The following ZNF713 variants were observed in gnomAD, a reference collection of about 807,000 sequenced individuals.
ZNF713 encodes zinc finger protein 713.
ZNF713 carries 21 observed loss-of-function variants against 28.7 expected under a neutral mutation model. The observed-to-expected ratio is 0.73, with a 90% CI of 0.52 to 1.05. The LOEUF (loss-of-function observed/expected upper bound fraction) is 1.05, where lower values mean the gene tolerates loss of function less well. ZNF713 is among the 50% of genes least tolerant of loss of function. The pLI, the probability that ZNF713 is intolerant of heterozygous loss-of-function variation, is 0.00. For synonymous variants in ZNF713, 167 were observed against 178.0 expected (o/e 0.94, Z 0.49); for missense variants, 458 against 532.4 (o/e 0.86, Z 1.37).
At chr7:55,914,471 A>G (rs1430553764) in intron 4 of ZNF713, among the ~76,000 whole-genome samples, 1 of 152,142 alleles carries the variant, frequency 6.6e-6, no homozygotes, top group Non-Finnish European at 1.5e-5. Flanking sequence ...CTGGGATTGC[A>G]GGTGTGAGCC....
intron 1 of ZNF713, among the ~76,000 whole-genome samples, chr7:55,888,733 A>ACATACATG (rs1554334752): frequency 7.5e-6 from 1 of 132,900 alleles, no homozygotes; most frequent in Non-Finnish European, 1.6e-5. Context: ...GAATACATAT[A>ACATACATG]CGTACATACA....
chr7:55,904,578 A>T (rs1303619884), intron 1 of ZNF713, among the ~76,000 whole-genome samples: 2 of 152,036 alleles, frequency 1.3e-5, no homozygotes, highest in Non-Finnish European at 2.9e-5. Flanking sequence ...GGCAGAACAA[A>T]AGCCAGACTA....
Position 55,887,817 on chromosome 7 carries a change from C to T in ZNF713, c.-583+137C>T, listed in dbSNP as rs1201948972. On this transcript the variant is annotated intron_variant, in intron 1 of 6. Coordinates refer to ENST00000429591, the MANE Select transcript of ZNF713 (RefSeq NM_182633.3). ...GGCGGAGGCGGGGGGCGGCGGGCGG[C>T]GGGCGGCGGGCGGCGGGCGGCGGGC... The T allele has an allele frequency of 1.6e-3, 2 of 1,264 alleles. 1 individual carries two copies. Among genetic ancestry groups the T allele is most frequent in the East Asian group, 0.04 (2 of 50 alleles). 0.1% of individuals were successfully genotyped at this position (1,264 alleles called of 1,614,324 possible). A position where few individuals can be genotyped will look rare whatever the true frequency, so the allele number is the denominator to read the frequency against.
rs1786039786 is a variant in ZNF713 at position 55,923,667 on chromosome 7, TAGAA to T, written c.279_282del (p.Arg94ThrfsTer34). On this transcript the variant is annotated frameshift_variant, in exon 6 of 7. Transcript: ENST00000429591. LOFTEE classifies it low-confidence loss of function (END_TRUNC). ...TTGGAGCTAGAGGAAGAATGGGTGA[TAGAA>T]AGAGACAGCCTGCTGGATACTCATC... is the stretch of plus-strand genomic sequence containing the variant. 1.9e-6 allele frequency: 3 copies of T among 1,612,276 alleles called. No homozygotes were observed. Among genetic ancestry groups the T allele is most frequent in the Non-Finnish European group, 2.5e-6 (3 of 1,179,156 alleles).
intron 6 of ZNF713, among the ~76,000 whole-genome samples, chr7:55,935,431 A>G (rs1426005118): frequency 1.3e-5 from 2 of 152,198 alleles, no homozygotes; most frequent in African/African-American, 4.8e-5. Flanking sequence ...TGGGCAATAC[A>G]TACATTATCC....
At chr7:55,916,056 A>T (rs989380390) in intron 4 of ZNF713, among the ~76,000 whole-genome samples, 2 of 152,234 alleles carry the variant, frequency 1.3e-5, no homozygotes, top group African/African-American at 4.8e-5. Context: ...AGATTAGCTA[A>T]GGGGTAAAAG....
intron 1 of ZNF713, among the ~76,000 whole-genome samples, chr7:55,892,494 AT>A (rs1476146793): frequency 8.6e-6 from 1 of 116,364 alleles, no homozygotes; most frequent in Non-Finnish European, 1.7e-5. Flanking sequence ...TAACAAGTTT[AT>A]TTGGTAATAG....
intron 2 of ZNF713, among the ~76,000 whole-genome samples, chr7:55,910,522 G>T (rs574978718): frequency 1.9e-4 from 29 of 151,922 alleles, no homozygotes; most frequent in Non-Finnish European, 3.8e-4. Context: ...TTAAGACAGG[G>T]TCTTACTCTG....
rs1295839512 is a variant in ZNF713 at position 55,887,627 on chromosome 7, G to GGCGGCA, written c.-631_-630insAGCGGC. 1.1e-5 allele frequency: 2 copies of GGCGGCA among 189,160 alleles called. No homozygotes were observed. Among genetic ancestry groups the GGCGGCA allele is most frequent in the Non-Finnish European group, 2.0e-5 (2 of 97,812 alleles). The allele number at this position is 189,160 out of a possible 1,614,324, so 11.7% of individuals were successfully genotyped here. The stretch of plus-strand genomic sequence containing the variant: ...CGGCGGCGGCGGCGGCGGCGGCGGC[G>GGCGGCA]GCGGCGGCGGCGTCAGGGGGCGGAG... On this transcript the variant is annotated 5_prime_UTR_variant, in exon 1 of 7. Coordinates refer to ENST00000429591, the MANE Select transcript of ZNF713 (RefSeq NM_182633.3).
chr7:55,932,656 G>A (rs1197808801), intron 6 of ZNF713, among the ~76,000 whole-genome samples: 18 of 151,372 alleles, frequency 1.2e-4, no homozygotes, highest in Non-Finnish European at 2.1e-4. Flanking sequence ...AGGCCGAGGC[G>A]GGTGGATCAT....
intron 1 of ZNF713, among the ~76,000 whole-genome samples, chr7:55,890,315 T>C (rs1785356942): frequency 1.3e-5 from 2 of 151,482 alleles, no homozygotes; most frequent in South Asian, 2.1e-4. Flanking sequence ...CCGGGTGTGG[T>C]GGTGGGTGCC....
At chr7:55,909,929 ATATG>A (rs4049409) in intron 2 of ZNF713, among the ~76,000 whole-genome samples, 43,255 of 151,404 alleles carry the variant, frequency 0.29, 6,515 homozygotes, top group South Asian at 0.37. Context: ...ATTTTTGAAT[ATATG>A]TATGTGTGTA....
chr7:55,927,812 G>A (rs1584315822), intron 6 of ZNF713, among the ~76,000 whole-genome samples: 1 of 138,224 alleles, frequency 7.2e-6, no homozygotes, highest in Non-Finnish European at 1.5e-5. Flanking sequence ...CATGAGAATC[G>A]CTTGAACCCC....
chr7:55,926,912 T>C (rs1486100769), intron 6 of ZNF713, among the ~76,000 whole-genome samples: 1 of 152,096 alleles, frequency 6.6e-6, no homozygotes, highest in Non-Finnish European at 1.5e-5. Flanking sequence ...CCAAAGCAGA[T>C]GGATCACAAG....
chr7:55,887,828 CGGCG>C (rs1190315088), intron 1 of ZNF713, 148 bp downstream of exon 1: 583 of 6,640 alleles, frequency 0.088, 165 homozygotes, highest in Middle Eastern at 0.33. Context: ...GGGCGGCGGG[CGGCG>C]GGCGGCGGGC....
intron 6 of ZNF713, among the ~76,000 whole-genome samples, chr7:55,938,708 C>T (rs1193616357): frequency 6.6e-6 from 1 of 152,148 alleles, no homozygotes; most frequent in Non-Finnish European, 1.5e-5. Flanking sequence ...TTCTCCTGTC[C>T]ATCTGCTTTC....
In ZNF713 at chr7:55,942,024, A is replaced by G. The variant is rs764441636; in HGVS notation, c.*2018A>G. On this transcript the variant is annotated 3_prime_UTR_variant, in exon 7 of 7. Transcript: ENST00000429591. Reference sequence around the variant, plus strand: ...TCTAGATTTTTTTTCAGTTAAAATTATTTCTGCTGTATTTGTAGAACAGAA... The same window carrying G: ...TCTAGATTTTTTTTCAGTTAAAATTGTTTCTGCTGTATTTGTAGAACAGAA... The G allele has an allele frequency of 5.3e-5, 8 of 152,058 alleles. No individual in the cohort carries two copies. The highest frequency in any genetic ancestry group is 8.8e-5 in the Non-Finnish European group (6 of 68,014). 9.4% of individuals were successfully genotyped at this position (152,058 alleles called of 1,614,324 possible).
At chr7:55,899,214 A>G (rs935085570) in intron 1 of ZNF713, among the ~76,000 whole-genome samples, 5 of 151,786 alleles carry the variant, frequency 3.3e-5, no homozygotes, top group Admixed American at 6.6e-5. Flanking sequence ...TTAGCTGGGC[A>G]TGGTGGCGGG....
intron 4 of ZNF713, among the ~76,000 whole-genome samples, chr7:55,917,428 A>G (rs1785905472): frequency 1.3e-5 from 2 of 152,164 alleles, no homozygotes; most frequent in African/African-American, 4.8e-5. Flanking sequence ...GGCCAGGGAC[A>G]GTGGCTCATG....
Sources: allele counts gnomAD v4.1 joint callset (sites outside exome capture counted in the v4.1 genomes callset), GRCh38; gene constraint gnomAD v4.1.1; transcripts MANE v1.5; gene names NCBI Gene and HGNC (gene_info 2026-07-23, HGNC 2026-07-21).